Variants in ARHGAP15 observed in about 807,000 individuals in gnomAD.
ARHGAP15 encodes Rho GTPase activating protein 15.
ARHGAP15 carries 51 observed loss-of-function variants against 63.7 expected under a neutral mutation model. The ratio of observed to expected loss-of-function variants is 0.80; its 90% CI spans 0.64 to 1.01. ARHGAP15 has a LOEUF of 1.01. Among genes scored for constraint, ARHGAP15 ranks in the 50% least tolerant of loss-of-function variants. The pLI is 0.00. For missense variants in ARHGAP15, 560 were observed against 564.6 expected (o/e 0.99, Z 0.08); for synonymous variants, 191 against 193.8 (o/e 0.99, Z 0.12).
intron 10 of ARHGAP15, among the ~76,000 whole-genome samples, chr2:143,555,600 A>G (rs1009547074): frequency 6.6e-6 from 1 of 152,246 alleles, no homozygotes; most frequent in African/African-American, 2.4e-5. Context: ...AGATGTGTGG[A>G]AAACAAGTGA....
chr2:143,699,756 A>G lies in ARHGAP15; in HGVS notation c.1139-3663A>G, dbSNP rs147409266. Among the ~76,000 whole-genome samples, 1,063 of 152,346 alleles carry G rather than the reference A, an allele frequency of 7.0e-3. 9 individuals are homozygous for G. The highest frequency in any genetic ancestry group is 0.048 in the Middle Eastern group (14 of 294). ...AACTGCTGGGATTAAAAGGTGAACAAGACCCAGTGGCTTGGGCCTCAAAAG... is the reference window on the plus strand; with the variant it reads ...AACTGCTGGGATTAAAAGGTGAACAGGACCCAGTGGCTTGGGCCTCAAAAG... On this transcript the variant is annotated intron_variant, in intron 12 of 13. Transcript: ENST00000295095.
At chr2:143,251,607 G>C (rs909480296) in intron 6 of ARHGAP15, among the ~76,000 whole-genome samples, 1 of 151,898 alleles carries the variant, frequency 6.6e-6, no homozygotes, top group Non-Finnish European at 1.5e-5. Flanking sequence ...ACACATTCTA[G>C]AATAAATTAC....
intron 12 of ARHGAP15, among the ~76,000 whole-genome samples, chr2:143,684,513 G>A (rs924896317): frequency 7.7e-5 from 10 of 129,666 alleles, no homozygotes; most frequent in Non-Finnish European, 1.8e-4. Flanking sequence ...TATCCTTATT[G>A]GGGGGTCCCA....
At chr2:143,665,154 T>G (rs563639975) in intron 12 of ARHGAP15, among the ~76,000 whole-genome samples, 1 of 150,186 alleles carries the variant, frequency 6.7e-6, no homozygotes, top group African/African-American at 2.4e-5. Flanking sequence ...TGAACATTGA[T>G]GCAAAAATCC....
intron 6 of ARHGAP15, among the ~76,000 whole-genome samples, chr2:143,330,902 G>A (rs773372864): frequency 6.6e-6 from 1 of 152,178 alleles, no homozygotes; most frequent in East Asian, 1.9e-4. Context: ...CCTTATGAAG[G>A]ATGTTGAAGT....
intron 11 of ARHGAP15, among the ~76,000 whole-genome samples, chr2:143,565,366 G>A (rs890219727): frequency 1.3e-5 from 2 of 151,992 alleles, no homozygotes; most frequent in African/African-American, 2.4e-5. Flanking sequence ...CAAATGCTTT[G>A]GGGATTATAA....
intron 4 of ARHGAP15, among the ~76,000 whole-genome samples, chr2:143,222,450 C>T (rs897552391): frequency 5.3e-5 from 8 of 152,214 alleles, no homozygotes; most frequent in Non-Finnish European, 8.8e-5. Context: ...GAAAGGTAAG[C>T]GTAGGATATA....
chr2:143,758,877 A>G (rs1686668398), intron 13 of ARHGAP15, among the ~76,000 whole-genome samples: 1 of 152,156 alleles, frequency 6.6e-6, no homozygotes, highest in South Asian at 2.1e-4. Flanking sequence ...TGAATCAGAA[A>G]TCTGGAGGTG....
intron 13 of ARHGAP15, among the ~76,000 whole-genome samples, chr2:143,713,789 C>A (rs1246416570): frequency 2.0e-5 from 3 of 152,226 alleles, no homozygotes; most frequent in Non-Finnish European, 4.4e-5. Context: ...CCAAAATGAT[C>A]TCCTTTGACT....
At chr2:143,542,589 A>G (rs1695120886) in intron 10 of ARHGAP15, among the ~76,000 whole-genome samples, 1 of 146,964 alleles carries the variant, frequency 6.8e-6, no homozygotes, top group Non-Finnish European at 1.5e-5. Flanking sequence ...CATATATATC[A>G]TATATGTGTA....
At chr2:143,500,292 C>A (rs1692998298) in intron 9 of ARHGAP15, among the ~76,000 whole-genome samples, 1 of 150,790 alleles carries the variant, frequency 6.6e-6, no homozygotes, top group Admixed American at 6.6e-5. Flanking sequence ...CTTTATATAG[C>A]TAACTGATTA....
chr2:143,542,990 T>C (rs1483571014), intron 10 of ARHGAP15, among the ~76,000 whole-genome samples: 1 of 151,014 alleles, frequency 6.6e-6, no homozygotes, highest in African/African-American at 2.4e-5. Context: ...ATTGTAAATA[T>C]TGCTGTAATA....
intron 3 of ARHGAP15, among the ~76,000 whole-genome samples, chr2:143,211,256 G>A (rs764945290): frequency 6.8e-6 from 1 of 147,122 alleles, no homozygotes; most frequent in Non-Finnish European, 1.5e-5. Context: ...AAAAACAAAG[G>A]CAAAATAAAT....
intron 8 of ARHGAP15, among the ~76,000 whole-genome samples, chr2:143,461,024 G>A (rs1009895248): frequency 4.6e-5 from 7 of 152,032 alleles, no homozygotes; most frequent in East Asian, 1.9e-4. Context: ...GCATGGTGGC[G>A]CACGCCTGTA....
At chr2:143,577,766 C>T (rs753495999) in intron 11 of ARHGAP15, among the ~76,000 whole-genome samples, 7 of 152,098 alleles carry the variant, frequency 4.6e-5, no homozygotes, top group African/African-American at 1.2e-4. Context: ...TGGCTTAGAA[C>T]AAGGTAACAA....
At chr2:143,233,646 C>CTTTTTT (rs558684012) in intron 5 of ARHGAP15, among the ~76,000 whole-genome samples, 1 of 132,194 alleles carries the variant, frequency 7.6e-6, no homozygotes, top group Non-Finnish European at 1.6e-5. Context: ...CAATAGCTAT[C>CTTTTTT]TTTTTTTTTT....
At chr2:143,590,099 C>T (rs1697262906) in intron 11 of ARHGAP15, among the ~76,000 whole-genome samples, 1 of 152,144 alleles carries the variant, frequency 6.6e-6, no homozygotes, top group African/African-American at 2.4e-5. Flanking sequence ...CCTTGATTCA[C>T]CTGAATGTCC....
chr2:143,683,170 A>G lies in ARHGAP15; in HGVS notation c.1139-20249A>G, dbSNP rs535035719. Among the ~76,000 whole-genome samples, 8 of 152,240 alleles carry G rather than the reference A, an allele frequency of 5.3e-5. No individual in the cohort carries two copies. In the East Asian group the frequency reaches 1.2e-3, roughly 22 times the overall value. ...TTTTTTTCTCATTTTAACCCTACTG[A>G]TATGTCACCCATGGCAACCTTAAAC... is the stretch of plus-strand genomic sequence containing the variant. On this transcript the variant is annotated intron_variant, in intron 12 of 13. Coordinates refer to ENST00000295095, the MANE Select transcript of ARHGAP15 (RefSeq NM_018460.4).
rs913243206 is a variant in ARHGAP15, at chr2:143,419,589, T to TA, written c.475-16004dup. ...CCATGGAAAAGCCTTCATGATATGT[T>TA]AAAAAAAATAATAAGATACGATATT... On this transcript the variant is annotated intron_variant, in intron 6 of 13. Transcript: ENST00000295095. Among the ~76,000 whole-genome samples, 354 of 147,838 alleles carry TA rather than the reference T, an allele frequency of 2.4e-3. 2 individuals are homozygous for TA. The highest frequency in any genetic ancestry group is 7.3e-3 in the African/African-American group (279 of 38,008).
Sources: allele counts gnomAD v4.1 joint callset (sites outside exome capture counted in the v4.1 genomes callset), GRCh38; gene constraint gnomAD v4.1.1; transcripts MANE v1.5; gene names NCBI Gene and HGNC (gene_info 2026-07-23, HGNC 2026-07-21).